ITIH3: variants seen among roughly 807,000 people sequenced by gnomAD.
The protein encoded by ITIH3 is inter-alpha-trypsin inhibitor heavy chain 3, also known as inter-alpha-trypsin inhibitor heavy chain H3.
Under a neutral mutation model 96.5 loss-of-function variants are expected in ITIH3, and 81 were observed. That is an observed-to-expected ratio of 0.84 (90% CI 0.70 to 1.01). ITIH3 has a LOEUF of 1.01. Among genes scored for constraint, ITIH3 ranks in the 50% least tolerant of loss-of-function variants. ITIH3 has a pLI of 0.00. For missense variants in ITIH3, 1,057 were observed against 1,139.3 expected, an observed-to-expected ratio of 0.93 and a Z score of 1.04; for synonymous variants, 422 against 445.2, an observed-to-expected ratio of 0.95 and a Z score of 0.66.
At position 52,797,183 on chromosome 3, in the gene ITIH3, C is replaced by T. The variant is rs1264959895; in HGVS notation, c.465C>T (p.Thr155=). 6 of 1,608,792 alleles carry T rather than the reference C, an allele frequency of 3.7e-6. No individual in the cohort carries two copies. Among genetic ancestry groups the T allele is most frequent in the African/African-American group, 1.3e-5 (1 of 74,836 alleles). Residue 155 remains threonine (T), a synonymous_variant, in exon 5 of 22, where the codon ACC becomes ACT. Coordinates refer to ENST00000449956, the MANE Select transcript of ITIH3 (RefSeq NM_002217.4). ...AAGSKVTFEL[T]YEELLKRHKG... is the part of the protein sequence containing the mutation. The stretch of plus-strand genomic sequence containing the variant: ...GCAGCAAAGTCACCTTCGAGCTAAC[C>T]TACGAGGAGCTGCTGAAGAGGCACA...
chr3:52,801,006 GC>G lies in ITIH3; in HGVS notation c.1245del (p.Ile416SerfsTer16). 1 of 1,614,066 alleles carries G rather than the reference GC, an allele frequency of 6.2e-7. No homozygotes were observed. Among genetic ancestry groups the G allele is most frequent in the Admixed American group, 1.7e-5 (1 of 60,036 alleles). On this transcript the variant is annotated frameshift_variant, in exon 11 of 22. Transcript: ENST00000449956. LOFTEE classifies it high-confidence loss of function. ...PEKIQENVRN[A>X]IGGKFPLYNL... ...AAAAATCCAAGAGAATGTGCGGAAT[GC>G]CATCGGGGGCAAGTTCCCCTTGTAT...
intron 13 of ITIH3, 130 bp downstream of exon 13, chr3:52,802,936 T>G: frequency 9.2e-7 from 1 of 1,086,678 alleles, no homozygotes; most frequent in Admixed American, 2.5e-5. Context: ...TAGAGCAGTC[T>G]GTAAGGAACC....
At chr3:52,801,865 A>G (rs1433289026) in intron 11 of ITIH3, among the ~76,000 whole-genome samples, 1 of 152,152 alleles carries the variant, frequency 6.6e-6, no homozygotes, top group East Asian at 1.9e-4. Flanking sequence ...CTGTCTTTGC[A>G]TTTGCTGAAT....
rs748495898 is a variant in ITIH3, at chr3:52,807,113, C to T, written c.2261+8C>T. On this transcript the variant is annotated splice_region_variant and intron_variant, in intron 19 of 21. Transcript: ENST00000449956. ...CACAGTCACGCAGGATGGGTAAGCT[C>T]CCCTACAAGGTCTCCAAGGTGGACT... 2.2e-5 allele frequency: 35 copies of T among 1,579,548 alleles called. No homozygotes were observed. Among genetic ancestry groups the T allele is most frequent in the Non-Finnish European group, 2.8e-5 (32 of 1,163,122 alleles).
intron 4 of ITIH3, 96 bp from the exon 5 acceptor site, chr3:52,797,009 A>G (rs1293963621): frequency 7.0e-7 from 1 of 1,428,420 alleles, no homozygotes; most frequent in Non-Finnish European, 9.5e-7. Flanking sequence ...ATGGTTAGGG[A>G]TCTCCCTCGC....
rs772332299 is a variant in ITIH3 at position 52,806,381 on chromosome 3, G to A, written c.2031G>A (p.Leu677=). ...TCGATGAAGCCCCAGGCACAGTGCT[G>A]CGCCTTATTCAGGATGCAGTCACAG... ...FNIDEAPGTV[L]RLIQDAVTGL... The change falls in exon 18 of 22, where the codon CTG becomes CTA. Residue 677 remains leucine, a synonymous_variant. Transcript: ENST00000449956. 2.5e-6 allele frequency: 4 copies of A among 1,613,838 alleles called. No homozygotes were observed. The highest frequency in any genetic ancestry group is 1.1e-5 in the South Asian group (1 of 91,040).
At chr3:52,806,265 G>GTC (rs754305811) in intron 17 of ITIH3, 28 bp from the exon 18 acceptor site, 1 of 1,608,478 alleles carries the variant, frequency 6.2e-7, no homozygotes, top group East Asian at 2.2e-5. Flanking sequence ...GGCCCCGGGA[G>GTC]TCAGCTCCTT....
At chr3:52,802,864 G>A (rs1699890331) in intron 13 of ITIH3, 58 bp downstream of exon 13, 2 of 1,594,850 alleles carry the variant, frequency 1.3e-6, no homozygotes, top group East Asian at 4.5e-5. Context: ...CAATGCAAGG[G>A]CACCCCCATA....
intron 12 of ITIH3, 23 bp from the exon 13 acceptor site, chr3:52,802,644 G>A (rs1185687585): frequency 6.2e-7 from 1 of 1,613,712 alleles, no homozygotes. Flanking sequence ...CCAGCCCCTT[G>A]CCTCCTTCTA....
Position 52,794,928 on chromosome 3 carries a change from T to C in ITIH3, c.93+32T>C, listed in dbSNP as rs766854942. The stretch of plus-strand genomic sequence containing the variant: ...CTGCCCCCTCTTTGCCATCTGGGTC[T>C]TGGTGTGGAATGGGCAGAAGGCATC... On this transcript the variant is annotated intron_variant, in intron 1 of 21. Transcript: ENST00000449956. 12 of 1,563,906 alleles carry C rather than the reference T, an allele frequency of 7.7e-6. No homozygotes were observed. The South Asian group carries it at 1.3e-4, about 17-fold the overall frequency.
chr3:52,799,324 G>A (rs761454549), intron 7 of ITIH3, 48 bp from the exon 8 acceptor site: 1 of 1,375,650 alleles, frequency 7.3e-7, no homozygotes, highest in South Asian at 1.3e-5. Context: ...TAGTCAATGT[G>A]GTGTTGCTAA....
chr3:52,808,422 T>G lies in ITIH3; in HGVS notation c.2544-130T>G, dbSNP rs1700132687. 11 of 1,357,626 alleles carry G rather than the reference T, an allele frequency of 8.1e-6. No individual in the cohort carries two copies. In the South Asian group the frequency reaches 1.4e-4, roughly 17 times the overall value. 84.1% of individuals were successfully genotyped at this position (1,357,626 alleles called of 1,614,324 possible). A position where few individuals can be genotyped will look rare whatever the true frequency, so the allele number is the denominator to read the frequency against. On this transcript the variant is annotated intron_variant, in intron 21 of 21. Coordinates refer to ENST00000449956, the MANE Select transcript of ITIH3 (RefSeq NM_002217.4). ...TTCCTCGAAAGAGTAATCATGTAAC[T>G]TCATTCTTGACCAAAGAATTCTGGG... is the stretch of plus-strand genomic sequence containing the variant.
rs781311807 is a variant in ITIH3, at chr3:52,806,945, C to G, written c.2101C>G (p.Pro701Ala). ...GQITGDKRGS[P>A]DSKTRKTYFG... ...GATCACTGGCGACAAGAGAGGCAGC[C>G]CTGACTCCAAGACCAGAAAGACTTA... The change falls in exon 19 of 22, where the codon CCT (proline) becomes GCT (alanine). Residue 701 changes from proline to alanine, a missense_variant. By Grantham distance (27) the Pro-to-Ala change is conservative. Transcript: ENST00000449956. 1 of 1,592,768 alleles carries G rather than the reference C, an allele frequency of 6.3e-7. No individual in the cohort carries two copies. The highest frequency in any genetic ancestry group is 8.5e-7 in the Non-Finnish European group (1 of 1,169,764).
chr3:52,802,997 C>A (rs1422979318), intron 13 of ITIH3, among the ~76,000 whole-genome samples, 191 bp downstream of exon 13: 1 of 152,236 alleles, frequency 6.6e-6, no homozygotes, highest in Non-Finnish European at 1.5e-5. Context: ...GCTGGCAAGT[C>A]CCCTGGCCAG....
intron 13 of ITIH3, 89 bp downstream of exon 13, chr3:52,802,895 C>T: frequency 6.8e-7 from 1 of 1,466,084 alleles, no homozygotes; most frequent in Non-Finnish European, 9.3e-7. Flanking sequence ...GCGGTCCTGC[C>T]CTCTTCTTGG....
rs1321763064 is a variant in ITIH3, at chr3:52,803,906, C to A, written c.1761C>A (p.Asp587Glu). ...AGAACCTCACGGCCCGGGCCCTGGA[C>A]CTGTCCCTCAAGTATCACTTTGTGA... ...EKENLTARAL[D>E]LSLKYHFVTP... Residue 587 changes from aspartate to glutamate, a missense_variant, in exon 14 of 22, where the codon GAC becomes GAA. Physicochemically the swap from Asp to Glu is conservative, Grantham distance 45. Transcript: ENST00000449956. The A allele has an allele frequency of 1.2e-6, 2 of 1,613,876 alleles. No individual in the cohort carries two copies. The highest frequency in any genetic ancestry group is 8.5e-7 in the Non-Finnish European group (1 of 1,179,878).
At chr3:52,800,836 G>A in intron 10 of ITIH3, 129 bp from the exon 11 acceptor site, 1 of 1,465,938 alleles carries the variant, frequency 6.8e-7, no homozygotes, top group Non-Finnish European at 9.3e-7. Context: ...TCCACCACCT[G>A]CCCCACAAGG....
At chr3:52,804,376 A>G in intron 14 of ITIH3, 1 of 433,562 alleles carries the variant, frequency 2.3e-6, no homozygotes. Context: ...GGAGATTGTT[A>G]GGGGAAGAGT....
chr3:52,796,301 A>C (rs558452683), intron 2 of ITIH3, among the ~76,000 whole-genome samples, 180 bp from the exon 3 acceptor site: 1 of 152,164 alleles, frequency 6.6e-6, no homozygotes, highest in Non-Finnish European at 1.5e-5. Flanking sequence ...AATGGTGGCC[A>C]CCAGAACATG....
Sources: allele counts gnomAD v4.1 joint callset (sites outside exome capture counted in the v4.1 genomes callset), GRCh38; gene constraint gnomAD v4.1.1; transcripts MANE v1.5; gene names NCBI Gene and HGNC (gene_info 2026-07-23, HGNC 2026-07-21).